Variants in ANK1 observed in about 807,000 individuals in gnomAD.
ANK1 encodes the protein ankyrin 1, also known as ankyrin-1.
Under a neutral mutation model 210.4 loss-of-function variants are expected in ANK1, and 51 were observed. The observed-to-expected ratio is 0.24, with a 90% confidence interval of 0.19 to 0.31. The LOEUF is 0.31. Ranked by LOEUF, ANK1 falls within the 10% of genes least tolerant of loss-of-function variation. The pLI, the probability that ANK1 is intolerant of heterozygous loss-of-function variation, is 1.00. For synonymous variants in ANK1, 967 were observed against 1,025.9 expected (o/e 0.94, Z 1.10); for missense variants, 2,051 against 2,504.4 (o/e 0.82, Z 3.86).
At chr8:41,741,612 G>A (rs898377117) in intron 2 of ANK1, among the ~76,000 whole-genome samples, 21 of 151,888 alleles carry the variant, frequency 1.4e-4, no homozygotes, top group Non-Finnish European at 3.1e-4. Flanking sequence ...CTTGTATGGT[G>A]AACACCTCTC....
intron 1 of ANK1, among the ~76,000 whole-genome samples, chr8:41,766,433 CTG>C (rs1405554848): frequency 6.6e-6 from 1 of 152,224 alleles, no homozygotes; most frequent in African/African-American, 2.4e-5. Context: ...GCTTTACAAA[CTG>C]TCTCCAGGCT....
At chr8:41,718,634 T>C (rs924884823) in intron 10 of ANK1, among the ~76,000 whole-genome samples, 9 of 152,230 alleles carry the variant, frequency 5.9e-5, no homozygotes, top group Non-Finnish European at 1.0e-4. Flanking sequence ...ACTCTGAATG[T>C]AAACTCTGAA....
At chr8:41,810,385 A>G (rs1327614658) in intron 1 of ANK1, among the ~76,000 whole-genome samples, 1 of 152,210 alleles carries the variant, frequency 6.6e-6, no homozygotes, top group African/African-American at 2.4e-5. Flanking sequence ...TTTCCCCCCA[A>G]AAGAGGGAAA....
intron 1 of ANK1, among the ~76,000 whole-genome samples, chr8:41,805,662 A>T (rs189485588): frequency 2.0e-5 from 3 of 152,354 alleles, no homozygotes; most frequent in African/African-American, 7.2e-5. Context: ...ATAGCATAAT[A>T]AACCAATTTC....
At chr8:41,860,295 C>A (rs1363161331) in intron 1 of ANK1, among the ~76,000 whole-genome samples, 2 of 152,174 alleles carry the variant, frequency 1.3e-5, no homozygotes. Flanking sequence ...TCCAAGCAAG[C>A]AGTGAGGTTT....
intron 1 of ANK1, among the ~76,000 whole-genome samples, chr8:41,760,096 C>T (rs1303886939): frequency 6.6e-6 from 1 of 152,160 alleles, no homozygotes; most frequent in African/African-American, 2.4e-5. Context: ...TCAGACCTTG[C>T]CCCCAGGAAC....
chr8:41,803,699 T>C (rs1367850667), intron 1 of ANK1, among the ~76,000 whole-genome samples: 2 of 152,038 alleles, frequency 1.3e-5, no homozygotes, highest in Non-Finnish European at 2.9e-5. Context: ...AAGACTTTTG[T>C]GAATATCTTT....
At chr8:41,669,640 C>A (rs1811623807) in intron 38 of ANK1, among the ~76,000 whole-genome samples, 1 of 152,182 alleles carries the variant, frequency 6.6e-6, no homozygotes. Flanking sequence ...GTCGAGGACA[C>A]CACTGCCCTC....
Position 41,656,187 on chromosome 8 carries a change from G to T in ANK1, c.*37-434C>A, listed in dbSNP as rs978429802. Among the ~76,000 whole-genome samples the T allele has an allele frequency of 5.3e-5, 8 of 152,354 alleles. 1 individual carries two copies. The South Asian group carries it at 1.2e-3, about 24-fold the overall frequency. The stretch of plus-strand genomic sequence containing the variant: ...GAGCCAGGGCTTGTGCCAAGAAGGG[G>T]CTAGGTGAGGCTAGGTGAGGCCTTC... On this transcript the variant is annotated intron_variant, in intron 42 of 42. Transcript: ENST00000289734.
chr8:41,669,501 T>C (rs1258525875), intron 38 of ANK1, among the ~76,000 whole-genome samples: 1 of 151,998 alleles, frequency 6.6e-6, no homozygotes, highest in Non-Finnish European at 1.5e-5. Flanking sequence ...GGCTCACAGG[T>C]CTACTTTGGA....
intron 20 of ANK1, among the ~76,000 whole-genome samples, chr8:41,703,451 T>TATATATATATATATA (rs1554555252): frequency 1.5e-3 from 56 of 37,344 alleles, no homozygotes; most frequent in East Asian, 3.9e-3. Flanking sequence ...TATATATATA[T>TATATATATATATATA]TTTTTTTTTT....
At position 41,711,076 on chromosome 8, in the gene ANK1, G is replaced by A. The variant is rs1387805482; in HGVS notation, c.1801-2101C>T. 2.6e-5 allele frequency among the ~76,000 whole-genome samples: 4 copies of A among 152,112 alleles called. No individual in the cohort carries two copies. The East Asian group carries it at 5.8e-4, about 22-fold the overall frequency. On this transcript the variant is annotated intron_variant, in intron 16 of 42. Coordinates refer to ENST00000289734, the MANE Select transcript of ANK1 (RefSeq NM_000037.4). ...TAGGTTGTGTTCATGTAACAAGATC[G>A]GCATTTGGATTATAATAAGTTTAAT...
intron 1 of ANK1, among the ~76,000 whole-genome samples, chr8:41,761,140 CACAT>C (rs979612987): frequency 4.0e-5 from 6 of 150,152 alleles, no homozygotes; most frequent in African/African-American, 1.3e-4. Context: ...CACACACACA[CACAT>C]GCATGCACAT....
chr8:41,845,056 T>C (rs1003761084), intron 1 of ANK1, among the ~76,000 whole-genome samples: 28 of 152,284 alleles, frequency 1.8e-4, no homozygotes, highest in African/African-American at 6.7e-4. Flanking sequence ...ACACTACTCC[T>C]GAAAGCAACT....
chr8:41,674,116 C>A (rs890104901), intron 37 of ANK1, among the ~76,000 whole-genome samples: 1 of 151,778 alleles, frequency 6.6e-6, no homozygotes, highest in Middle Eastern at 3.2e-3. Flanking sequence ...TTTCTTGCCC[C>A]CTCAGCCTCC....
intron 2 of ANK1, among the ~76,000 whole-genome samples, chr8:41,755,781 G>A (rs1374540597): frequency 1.3e-5 from 2 of 152,216 alleles, no homozygotes; most frequent in African/African-American, 4.8e-5. Flanking sequence ...AACCTGCTAT[G>A]CAAAGGCCAG....
chr8:41,698,211 C>T (rs1821647541), intron 23 of ANK1, 90 bp from the exon 24 acceptor site: 2 of 1,362,080 alleles, frequency 1.5e-6, no homozygotes, highest in Admixed American at 1.8e-5. Context: ...CTCCCTCCGG[C>T]TTTCCACTCC....
chr8:41,770,555 G>A (rs975458753), intron 1 of ANK1, among the ~76,000 whole-genome samples: 2 of 152,210 alleles, frequency 1.3e-5, no homozygotes, highest in African/African-American at 4.8e-5. Context: ...TAAAAGATGT[G>A]ATAGTCATAG....
At chr8:41,708,635 AGGT>A (rs1203514513) in intron 17 of ANK1, 140 bp downstream of exon 17, 13 of 935,852 alleles carry the variant, frequency 1.4e-5, no homozygotes, top group Admixed American at 5.3e-5. Flanking sequence ...TATAAAATGA[AGGT>A]GAAATGTACG....
Sources: allele counts gnomAD v4.1 joint callset (sites outside exome capture counted in the v4.1 genomes callset), GRCh38; gene constraint gnomAD v4.1.1; transcripts MANE v1.5; gene names NCBI Gene and HGNC (gene_info 2026-07-23, HGNC 2026-07-21).